The following SNX13 variants were observed in gnomAD, a reference collection of about 807,000 sequenced individuals.
SNX13 encodes sorting nexin 13.
In SNX13, 45 loss-of-function variants were observed where a neutral mutation model predicts 133.6. The ratio of observed to expected loss-of-function variants is 0.34; its 90% CI spans 0.27 to 0.43. SNX13 has a LOEUF of 0.43. Ranked by LOEUF, SNX13 falls within the 20% of genes least tolerant of loss-of-function variation. SNX13 has a pLI of 1.00. For missense variants in SNX13, 1,032 were observed against 1,145.1 expected, an observed-to-expected ratio of 0.90 and a Z score of 1.43; for synonymous variants, 414 against 373.9, an observed-to-expected ratio of 1.11 and a Z score of -1.24.
At chr7:17,865,114 A>C (rs1055292231) in intron 9 of SNX13, among the ~76,000 whole-genome samples, 3 of 152,206 alleles carry the variant, frequency 2.0e-5, no homozygotes, top group Non-Finnish European at 4.4e-5. Flanking sequence ...GGAGTTTTTC[A>C]ATCTGAAAGA....
chr7:17,858,738 C>T (rs918376262), intron 9 of SNX13, among the ~76,000 whole-genome samples: 11 of 152,030 alleles, frequency 7.2e-5, no homozygotes, highest in Non-Finnish European at 1.5e-4. Context: ...CTAAAGTAAT[C>T]AGAAAGTATG....
chr7:17,894,617 C>A (rs1349293107), intron 2 of SNX13, among the ~76,000 whole-genome samples: 1 of 152,018 alleles, frequency 6.6e-6, no homozygotes, highest in Non-Finnish European at 1.5e-5. Context: ...TGATTTAGAA[C>A]TACTTCACTC....
chr7:17,842,582 T>G (rs889405834), intron 12 of SNX13, among the ~76,000 whole-genome samples: 2 of 152,032 alleles, frequency 1.3e-5, no homozygotes, highest in East Asian at 1.9e-4. Context: ...TAACAATGAT[T>G]TGTAACTCTA....
chr7:17,883,040 C>T (rs1207466916), intron 5 of SNX13: 1 of 266,524 alleles, frequency 3.8e-6, no homozygotes, highest in South Asian at 3.2e-5. Context: ...AACAAAACAT[C>T]CTGATTCATA....
chr7:17,937,469 G>A (rs1360200361), intron 1 of SNX13, among the ~76,000 whole-genome samples: 2 of 141,374 alleles, frequency 1.4e-5, no homozygotes, highest in Admixed American at 7.5e-5. Flanking sequence ...AGCCAAGATC[G>A]CGCCACTGCA....
chr7:17,833,464 A>G lies in SNX13; in HGVS notation c.1597+588T>C, dbSNP rs529975537. 1.3e-4 allele frequency among the ~76,000 whole-genome samples: 19 copies of G among 151,832 alleles called. No homozygotes were observed. The South Asian group carries it at 3.7e-3, about 30-fold the overall frequency. On this transcript the variant is annotated intron_variant, in intron 15 of 25. Transcript: ENST00000428135. ...CTTCACACAGGTAGTAAGTGATAGAATGGGAGTAAAATCGAAATATTCTGA... is the reference window on the plus strand; with the variant it reads ...CTTCACACAGGTAGTAAGTGATAGAGTGGGAGTAAAATCGAAATATTCTGA...
At chr7:17,911,641 A>G (rs1465906518) in intron 1 of SNX13, among the ~76,000 whole-genome samples, 2 of 150,102 alleles carry the variant, frequency 1.3e-5, no homozygotes, top group Non-Finnish European at 3.0e-5. Flanking sequence ...CTGTCTCAAA[A>G]AAAAAAAAAA....
intron 17 of SNX13, among the ~76,000 whole-genome samples, chr7:17,825,128 A>C (rs1787746121): frequency 6.6e-6 from 1 of 152,198 alleles, no homozygotes; most frequent in African/African-American, 2.4e-5. Flanking sequence ...GAAGCTAATA[A>C]ATACTTGTTT....
chr7:17,936,840 GAAAA>G (rs906900906), intron 1 of SNX13, among the ~76,000 whole-genome samples: 1 of 141,666 alleles, frequency 7.1e-6, no homozygotes, highest in South Asian at 2.2e-4. Flanking sequence ...AAAAAAAAAA[GAAAA>G]AAAAAGAAGG....
At chr7:17,856,374 C>G (rs1791884549) in intron 9 of SNX13, among the ~76,000 whole-genome samples, 1 of 152,054 alleles carries the variant, frequency 6.6e-6, no homozygotes, top group African/African-American at 2.4e-5. Context: ...AATCACTTAA[C>G]CACAAAAGAA....
At chr7:17,832,458 T>C (rs1269969756) in intron 15 of SNX13, 1 of 984,296 alleles carries the variant, frequency 1.0e-6, no homozygotes. Context: ...GTCTTCTCTC[T>C]TTCTGAGTCA....
chr7:17,818,510 T>TA (rs1786926570), intron 18 of SNX13, among the ~76,000 whole-genome samples: 1 of 152,194 alleles, frequency 6.6e-6, no homozygotes, highest in Non-Finnish European at 1.5e-5. Flanking sequence ...TTATACTCTA[T>TA]ATTAACTCAT....
chr7:17,796,868 G>A lies in SNX13; in HGVS notation c.2585C>T (p.Thr862Ile). The change falls in exon 25 of 26, where the codon ACA becomes ATA. Residue 862 changes from threonine (T) to isoleucine (I), a missense_variant. Coordinates refer to ENST00000428135, the MANE Select transcript of SNX13 (RefSeq NM_015132.5). ...PCRDKSIRMR[T>I]RVAGKTKLLA... ...TAATTTCGTTTTTCCTGCTACTCTTGTTCTCATTCGAATACTTTTATCTCT... is the reference window on the plus strand; with the variant it reads ...TAATTTCGTTTTTCCTGCTACTCTTATTCTCATTCGAATACTTTTATCTCT... The A allele has an allele frequency of 1.2e-6, 2 of 1,611,076 alleles. No homozygotes were observed. Among genetic ancestry groups the A allele is most frequent in the Non-Finnish European group, 1.7e-6 (2 of 1,178,112 alleles).
At chr7:17,929,657 G>A (rs1801167266) in intron 1 of SNX13, among the ~76,000 whole-genome samples, 3 of 152,114 alleles carry the variant, frequency 2.0e-5, no homozygotes, top group Admixed American at 2.0e-4. Flanking sequence ...TCTCATGTCA[G>A]AAAACTACAA....
At chr7:17,916,207 A>G (rs867412879) in intron 1 of SNX13, among the ~76,000 whole-genome samples, 21 of 152,142 alleles carry the variant, frequency 1.4e-4, no homozygotes, top group African/African-American at 4.6e-4. Context: ...TCCAATTAAC[A>G]ACCTCACCTC....
intron 1 of SNX13, among the ~76,000 whole-genome samples, chr7:17,911,681 G>A (rs149647537): frequency 1.6e-3 from 244 of 150,906 alleles, no homozygotes; most frequent in African/African-American, 5.4e-3. Context: ...TTCCCATAAC[G>A]ACTTTACTTA....
intron 9 of SNX13, among the ~76,000 whole-genome samples, chr7:17,858,604 T>C (rs138365845): frequency 6.6e-6 from 1 of 152,190 alleles, no homozygotes; most frequent in Admixed American, 6.5e-5. Flanking sequence ...GTTAAAATTC[T>C]AATAGGTTTT....
At chr7:17,864,910 A>G (rs1016295247) in intron 9 of SNX13, among the ~76,000 whole-genome samples, 2 of 152,202 alleles carry the variant, frequency 1.3e-5, no homozygotes, top group Admixed American at 1.3e-4. Context: ...ATCTGAGCAG[A>G]AACCTTACAG....
chr7:17,937,243 C>G (rs10226396), intron 1 of SNX13, among the ~76,000 whole-genome samples: 6,501 of 152,046 alleles, frequency 0.043, 421 homozygotes, highest in African/African-American at 0.14. Context: ...GCTCAAAGTT[C>G]AATGTACATA....
Sources: allele counts gnomAD v4.1 joint callset (sites outside exome capture counted in the v4.1 genomes callset), GRCh38; gene constraint gnomAD v4.1.1; transcripts MANE v1.5; gene names NCBI Gene and HGNC (gene_info 2026-07-23, HGNC 2026-07-21).